Variants in LRP1B observed in about 807,000 individuals in gnomAD.
The protein encoded by LRP1B is LDL receptor related protein 1B.
Under a neutral mutation model 556.6 loss-of-function variants are expected in LRP1B, and 217 were observed. The observed-to-expected ratio is 0.39, with a 90% CI of 0.35 to 0.44. The LOEUF is 0.44. Ranked by LOEUF, LRP1B falls within the 20% of genes least tolerant of loss-of-function variation. The probability of loss-of-function intolerance (pLI) is 1.00; values close to 1 mark genes in which losing one functional copy is unlikely to be tolerated. For missense variants in LRP1B, 5,053 were observed against 5,620.8 expected (o/e 0.90, Z 3.23); for synonymous variants, 2,047 against 1,865.8 (o/e 1.10, Z -2.50).
At chr2:141,480,601 A>G in intron 2 of LRP1B, 68 bp from the exon 3 acceptor site, 9 of 1,444,952 alleles carry the variant, frequency 6.2e-6, no homozygotes. Context: ...GTTAAGCACA[A>G]GAAATTACTA....
chr2:140,736,180 T>C (rs1215081759), intron 35 of LRP1B, among the ~76,000 whole-genome samples: 2 of 152,172 alleles, frequency 1.3e-5, no homozygotes, highest in Admixed American at 1.3e-4. Flanking sequence ...AGATATATTA[T>C]GTGAGAAAGG....
intron 83 of LRP1B, among the ~76,000 whole-genome samples, chr2:140,303,735 T>C (rs909686551): frequency 9.9e-5 from 15 of 152,134 alleles, no homozygotes; most frequent in Admixed American, 7.9e-4. Context: ...GGTATACATG[T>C]GCCATGTTGG....
intron 1 of LRP1B, among the ~76,000 whole-genome samples, chr2:141,964,439 C>T (rs1402718395): frequency 2.7e-5 from 4 of 148,038 alleles, no homozygotes; most frequent in Non-Finnish European, 4.5e-5. Flanking sequence ...GAAATAATGC[C>T]GCATACCTAC....
chr2:142,056,100 G>A lies in LRP1B; in HGVS notation c.82+74548C>T, dbSNP rs531012932. 1.4e-4 allele frequency among the ~76,000 whole-genome samples: 22 copies of A among 152,218 alleles called. No homozygotes were observed. In the South Asian group the frequency reaches 3.7e-3, roughly 26 times the overall value. On this transcript the variant is annotated intron_variant, in intron 1 of 90. Transcript: ENST00000389484. ...CAGGAGGTGGAGGTTGCAGTGAGCC[G>A]AGACTGCGCCACTGCACTCCAGCCT...
At chr2:142,111,238 A>T (rs1323832497) in intron 1 of LRP1B, among the ~76,000 whole-genome samples, 3 of 152,146 alleles carry the variant, frequency 2.0e-5, no homozygotes, top group African/African-American at 4.8e-5. Context: ...TACTCACAAC[A>T]TCCCTTTGAG....
At chr2:140,252,632 C>A (rs1393859318) in intron 86 of LRP1B, among the ~76,000 whole-genome samples, 1 of 151,960 alleles carries the variant, frequency 6.6e-6, no homozygotes, top group East Asian at 1.9e-4. Flanking sequence ...GTACCAGGCT[C>A]TAATTTAAAT....
intron 7 of LRP1B, among the ~76,000 whole-genome samples, chr2:141,096,629 G>GAGAGGGAGAGA (rs1558858138): frequency 1.7e-5 from 1 of 59,744 alleles, no homozygotes; most frequent in African/African-American, 7.3e-5. Context: ...GGGGAGAGGG[G>GAGAGGGAGAGA]GAGAGAGAGA....
chr2:141,883,905 A>G (rs1279370708), intron 1 of LRP1B, among the ~76,000 whole-genome samples: 1 of 152,204 alleles, frequency 6.6e-6, no homozygotes, highest in Non-Finnish European at 1.5e-5. Context: ...TACCAAATCC[A>G]AGTTGATACT....
chr2:141,490,369 T>TTGTGTGTGTGTG (rs557540972), intron 2 of LRP1B, among the ~76,000 whole-genome samples: 1,657 of 108,612 alleles, frequency 0.015, 21 homozygotes, highest in Admixed American at 0.02. Context: ...TAAAATAGCC[T>TTGTGTGTGTGTG]CGTGTGTGTG....
chr2:142,019,640 GC>G (rs899980992), intron 1 of LRP1B, among the ~76,000 whole-genome samples: 2 of 152,062 alleles, frequency 1.3e-5, no homozygotes, highest in African/African-American at 4.8e-5. Context: ...AGATTTTGGT[GC>G]CCTCCTGCTC....
At position 141,049,077 on chromosome 2, in the gene LRP1B, TTCTGCGTGAAAG is replaced by T. The variant is rs1422968087; in HGVS notation, c.1686_1697del (p.Asp562_Ala565del). The T allele has an allele frequency of 6.2e-7, 1 of 1,613,532 alleles. No individual in the cohort carries two copies. Among genetic ancestry groups the T allele is most frequent in the African/African-American group, 1.3e-5 (1 of 74,882 alleles). On this transcript the variant is annotated inframe_deletion, in exon 11 of 91. Transcript: ENST00000389484. Reference sequence around the variant, plus strand: ...TGTCAGCAAAGTAGATGTAATTGGTTTCTGCGTGAAAGTCTAAAGCACGAGGGTTTACCAGAT... The same window carrying T: ...TGTCAGCAAAGTAGATGTAATTGGTTTCTAAAGCACGAGGGTTTACCAGAT...
In LRP1B at chr2:141,889,272, A is replaced by G. The variant is rs138076492; in HGVS notation, c.83-78871T>C. ...AAAATTTACCTCAGAGGAGATAAAT[A>G]TTATTCCCAGAATCATGCAAGAAGA... On this transcript the variant is annotated intron_variant, in intron 1 of 90. Coordinates refer to ENST00000389484, the MANE Select transcript of LRP1B (RefSeq NM_018557.3). Among the ~76,000 whole-genome samples the G allele has an allele frequency of 2.7e-3, 417 of 152,280 alleles. 1 individual carries two copies. The highest frequency in any genetic ancestry group is 9.3e-3 in the African/African-American group (387 of 41,564).
intron 2 of LRP1B, among the ~76,000 whole-genome samples, chr2:141,730,091 G>T (rs548993631): frequency 1.3e-5 from 2 of 152,244 alleles, no homozygotes; most frequent in South Asian, 4.1e-4. Context: ...AACATGTGAA[G>T]ATCAATTTCC....
chr2:141,380,012 T>A (rs943221528), intron 3 of LRP1B, among the ~76,000 whole-genome samples: 2 of 152,160 alleles, frequency 1.3e-5, no homozygotes, highest in African/African-American at 4.8e-5. Flanking sequence ...AATAAACACT[T>A]CCAGTTTCTC....
intron 1 of LRP1B, among the ~76,000 whole-genome samples, chr2:142,119,552 A>G (rs550823761): frequency 6.6e-6 from 1 of 152,320 alleles, no homozygotes; most frequent in South Asian, 2.1e-4. Flanking sequence ...GAGAAAACAG[A>G]GCAATGAAAA....
At chr2:140,816,085 G>A (rs559585195) in intron 31 of LRP1B, among the ~76,000 whole-genome samples, 2 of 151,686 alleles carry the variant, frequency 1.3e-5, no homozygotes, top group Non-Finnish European at 2.9e-5. Context: ...AAAGAGTTCT[G>A]CCTAGAAAAG....
chr2:141,689,619 C>A (rs1691440469), intron 2 of LRP1B, among the ~76,000 whole-genome samples: 1 of 151,668 alleles, frequency 6.6e-6, no homozygotes, highest in African/African-American at 2.4e-5. Context: ...TCTTTAAAAG[C>A]CAAATTTAAT....
At position 140,713,049 on chromosome 2, in the gene LRP1B, C is replaced by T. The variant is rs758413855; in HGVS notation, c.6023+2924G>A. Among the ~76,000 whole-genome samples the T allele has an allele frequency of 1.2e-4, 18 of 151,922 alleles. 1 individual carries two copies. The highest frequency in any genetic ancestry group is 1.2e-3 in the East Asian group (6 of 5,178). ...TTTGGCACTCTTTCTTGGGTAACCT[C>T]GTACACTATCGCAGCTTATTACAGA... On this transcript the variant is annotated intron_variant, in intron 37 of 90. Coordinates refer to ENST00000389484, the MANE Select transcript of LRP1B (RefSeq NM_018557.3).
chr2:141,370,593 G>T (rs1290243135), intron 3 of LRP1B, among the ~76,000 whole-genome samples: 1 of 152,058 alleles, frequency 6.6e-6, no homozygotes, highest in Non-Finnish European at 1.5e-5. Context: ...CTCCCATTCT[G>T]CAAGTTGTTG....
Sources: gnomAD v4.1 joint callset for allele counts (sites outside exome capture counted in the v4.1 genomes callset) on GRCh38, gnomAD v4.1.1 for gene constraint, MANE v1.5 for transcripts, NCBI Gene and HGNC (gene_info 2026-07-23, HGNC 2026-07-21) for gene names.